SLC25A21: variants seen among roughly 807,000 people sequenced by gnomAD.
SLC25A21 encodes mitochondrial 2-oxodicarboxylate carrier.
SLC25A21 carries 47 observed loss-of-function variants against 43.8 expected under a neutral mutation model. The observed-to-expected ratio is 1.07, with a 90% CI of 0.85 to 1.37. SLC25A21 has a LOEUF of 1.37. Among genes scored for constraint, SLC25A21 ranks in the 40% most tolerant of loss-of-function variants. The probability of loss-of-function intolerance (pLI) is 0.00; values close to 1 mark genes in which losing one functional copy is unlikely to be tolerated. For missense variants in SLC25A21, 352 were observed against 350.2 expected (o/e 1.00, Z -0.04); for synonymous variants, 131 against 121.3 (o/e 1.08, Z -0.52).
Position 37,172,331 on chromosome 14 carries a change from ACTTCAGGCTTGGCGGACATCTT to A in SLC25A21, c.-3_19del. On this transcript the variant is annotated start_lost and 5_prime_UTR_variant, in exon 1 of 10. Coordinates refer to ENST00000331299, the MANE Select transcript of SLC25A21 (RefSeq NM_030631.4). ...CCGAGAAGCCTCGCGCACTAAGCTGACTTCAGGCTTGGCGGACATCTTCGCCAGGCGGGAGGACAAGGGAGTG... is the reference window on the plus strand; with the variant it reads ...CCGAGAAGCCTCGCGCACTAAGCTGACGCCAGGCGGGAGGACAAGGGAGTG... 6.2e-7 allele frequency: 1 copy of A among 1,602,854 alleles called. No homozygotes were observed. The highest frequency in any genetic ancestry group is 8.5e-7 in the Non-Finnish European group (1 of 1,174,914).
chr14:36,977,692 A>C (rs1959910628), intron 1 of SLC25A21, among the ~76,000 whole-genome samples: 1 of 152,208 alleles, frequency 6.6e-6, no homozygotes, highest in Admixed American at 6.5e-5. Flanking sequence ...GTAATTATAT[A>C]ACAGTATACG....
intron 1 of SLC25A21, among the ~76,000 whole-genome samples, chr14:36,990,789 G>A (rs1960246118): frequency 6.6e-6 from 1 of 152,006 alleles, no homozygotes; most frequent in South Asian, 2.1e-4. Context: ...GCTGAGGTGG[G>A]AAGATTGCTT....
intron 1 of SLC25A21, among the ~76,000 whole-genome samples, chr14:36,975,614 T>C (rs1305566433): frequency 6.6e-6 from 1 of 152,222 alleles, no homozygotes; most frequent in Admixed American, 6.5e-5. Context: ...TTTAAGATGG[T>C]CTTGTCTGGC....
At chr14:36,902,444 C>CAT (rs1257373656) in intron 1 of SLC25A21, among the ~76,000 whole-genome samples, 1 of 150,956 alleles carries the variant, frequency 6.6e-6, no homozygotes, top group African/African-American at 2.4e-5. Context: ...TAGTAAAACA[C>CAT]ACACACACAC....
chr14:37,020,640 T>C (rs956000121), intron 1 of SLC25A21, among the ~76,000 whole-genome samples: 1 of 151,948 alleles, frequency 6.6e-6, no homozygotes, highest in Non-Finnish European at 1.5e-5. Context: ...TCTAAATATA[T>C]ACAAAGACTG....
Position 36,896,258 on chromosome 14 carries a change from G to C in SLC25A21, c.71-21254C>G, listed in dbSNP as rs369484117. 1.2e-4 allele frequency among the ~76,000 whole-genome samples: 18 copies of C among 152,090 alleles called. No individual in the cohort carries two copies. In the East Asian group the frequency reaches 1.9e-3, roughly 16 times the overall value. ...GTGCATATATATTTAGGATAGTTAG[G>C]TCTTCTTGTTGAATTGATCCCTTTA... is the stretch of plus-strand genomic sequence containing the variant. On this transcript the variant is annotated intron_variant, in intron 1 of 9. Coordinates refer to ENST00000331299, the MANE Select transcript of SLC25A21 (RefSeq NM_030631.4).
At chr14:36,926,626 G>A (rs990710811) in intron 1 of SLC25A21, among the ~76,000 whole-genome samples, 1 of 152,100 alleles carries the variant, frequency 6.6e-6, no homozygotes, top group Non-Finnish European at 1.5e-5. Context: ...ATTAGTATGT[G>A]AAAGAGTGTT....
intron 7 of SLC25A21, among the ~76,000 whole-genome samples, chr14:36,697,737 A>AT (rs1311280396): frequency 1.4e-5 from 1 of 69,896 alleles, no homozygotes; most frequent in African/African-American, 6.3e-5. Flanking sequence ...TGCAAGCCCT[A>AT]CTTTTTTTTT....
chr14:36,837,277 G>A (rs1431152206), intron 2 of SLC25A21, among the ~76,000 whole-genome samples: 1 of 151,976 alleles, frequency 6.6e-6, no homozygotes. Flanking sequence ...GGGCCAAGGG[G>A]GTGTCCAGAC....
chr14:37,017,203 A>T (rs1374508960), intron 1 of SLC25A21, among the ~76,000 whole-genome samples: 1 of 151,914 alleles, frequency 6.6e-6, no homozygotes, highest in Non-Finnish European at 1.5e-5. Context: ...AAGCTTAATC[A>T]TTTCTGGCTT....
At chr14:36,755,423 G>A (rs1212929465) in intron 3 of SLC25A21, among the ~76,000 whole-genome samples, 1 of 152,106 alleles carries the variant, frequency 6.6e-6, no homozygotes, top group Non-Finnish European at 1.5e-5. Context: ...ACACTCACAG[G>A]CAAGGTGATT....
intron 1 of SLC25A21, among the ~76,000 whole-genome samples, chr14:36,880,842 T>C (rs757109717): frequency 1.3e-5 from 2 of 152,172 alleles, no homozygotes; most frequent in Non-Finnish European, 2.9e-5. Context: ...AAACAACTAA[T>C]CAATCAGCAT....
intron 7 of SLC25A21, 53 bp downstream of exon 7, chr14:36,711,265 T>A (rs925251521): frequency 1.1e-5 from 17 of 1,530,078 alleles, no homozygotes; most frequent in Non-Finnish European, 1.5e-5. Flanking sequence ...CAAACGGAGC[T>A]ATCATCACTG....
chr14:36,814,775 T>C (rs1888395868), intron 2 of SLC25A21, among the ~76,000 whole-genome samples: 2 of 152,108 alleles, frequency 1.3e-5, no homozygotes, highest in African/African-American at 4.8e-5. Context: ...TCCTCAAGGA[T>C]CTAGAACCAG....
rs145986056 is a variant in SLC25A21 at position 36,898,696 on chromosome 14, A to G, written c.71-23692T>C. Among the ~76,000 whole-genome samples, 403 of 152,190 alleles carry G rather than the reference A, an allele frequency of 2.6e-3. 3 individuals carry two copies. Among genetic ancestry groups the G allele is most frequent in the Middle Eastern group, 6.8e-3 (2 of 294 alleles). ...GGCTCCATCCCCCAATCTCACTTAT[A>G]TGAGAAACCTAAAACAGCTGATCTC... On this transcript the variant is annotated intron_variant, in intron 1 of 9. Coordinates refer to ENST00000331299, the MANE Select transcript of SLC25A21 (RefSeq NM_030631.4).
intron 1 of SLC25A21, among the ~76,000 whole-genome samples, chr14:36,964,873 A>G (rs1191400780): frequency 6.6e-6 from 1 of 152,122 alleles, no homozygotes; most frequent in African/African-American, 2.4e-5. Context: ...CAATCTTCCT[A>G]TATTTGTCTC....
At chr14:37,171,994 T>C (rs746848638) in intron 1 of SLC25A21, 135 of 444,074 alleles carry the variant, frequency 3.0e-4, no homozygotes, top group African/African-American at 3.2e-4. Flanking sequence ...GTCGCTGCCC[T>C]TGGGGCTCTG....
intron 1 of SLC25A21, among the ~76,000 whole-genome samples, chr14:37,151,768 G>A (rs1484686603): frequency 2.0e-5 from 3 of 152,124 alleles, no homozygotes; most frequent in Non-Finnish European, 2.9e-5. Context: ...TTACAAATTG[G>A]CTCATGCCTG....
chr14:36,787,433 C>G (rs1887290968), intron 3 of SLC25A21, among the ~76,000 whole-genome samples: 1 of 152,064 alleles, frequency 6.6e-6, no homozygotes, highest in South Asian at 2.1e-4. Flanking sequence ...AATGAAACGC[C>G]AATGGTTTTA....
Sources: allele counts gnomAD v4.1 joint callset (sites outside exome capture counted in the v4.1 genomes callset), GRCh38; gene constraint gnomAD v4.1.1; transcripts MANE v1.5; gene names NCBI Gene and HGNC (gene_info 2026-07-23, HGNC 2026-07-21).